Variants in PITPNM2 observed in about 807,000 individuals in gnomAD.
PITPNM2 encodes the protein membrane-associated phosphatidylinositol transfer protein 2.
Under a neutral mutation model 132.2 loss-of-function variants are expected in PITPNM2, and 35 were observed. The ratio of observed to expected loss-of-function variants is 0.26; its 90% CI spans 0.20 to 0.35. PITPNM2 has a LOEUF of 0.35. PITPNM2 is among the 10% of genes least tolerant of loss of function. The pLI is 1.00. For synonymous variants in PITPNM2, 738 were observed against 799.2 expected (o/e 0.92, Z 1.29); for missense variants, 1,332 against 1,912.0 (o/e 0.70, Z 5.66).
intron 2 of PITPNM2, among the ~76,000 whole-genome samples, chr12:123,044,266 A>G (rs1379674080): frequency 6.6e-6 from 1 of 152,182 alleles, no homozygotes; most frequent in East Asian, 1.9e-4. Context: ...CCATTTCAGC[A>G]GCAGCACCCA....
intron 2 of PITPNM2, among the ~76,000 whole-genome samples, chr12:123,094,758 CGAGG>C (rs2042363024): frequency 6.6e-6 from 1 of 152,152 alleles, no homozygotes; most frequent in African/African-American, 2.4e-5. Context: ...CAGGTGGGGC[CGAGG>C]GCAGGGAAGG....
chr12:123,134,237 G>A (rs1023429848), intron 1 of PITPNM2, among the ~76,000 whole-genome samples: 3 of 151,982 alleles, frequency 2.0e-5, no homozygotes, highest in African/African-American at 7.3e-5. Flanking sequence ...CTAATTTTTT[G>A]TATTTTTAGT....
Position 123,028,874 on chromosome 12 carries a change from C to G in PITPNM2, c.78+5639G>C, listed in dbSNP as rs180708162. 5.2e-4 allele frequency among the ~76,000 whole-genome samples: 79 copies of G among 152,226 alleles called. 1 individual carries two copies. The East Asian group carries it at 0.012, about 22-fold the overall frequency. On this transcript the variant is annotated intron_variant, in intron 3 of 25. Coordinates refer to ENST00000320201, the MANE Select transcript of PITPNM2 (RefSeq NM_020845.3). Reference sequence around the variant, plus strand: ...CCTGGAAGAGGGGCATTCACACCAGCCCTGCAGGAGGGGCAAGAGCTCTCA... The same window carrying G: ...CCTGGAAGAGGGGCATTCACACCAGGCCTGCAGGAGGGGCAAGAGCTCTCA...
intron 1 of PITPNM2, among the ~76,000 whole-genome samples, chr12:123,144,591 C>T (rs1215602751): frequency 6.6e-6 from 1 of 152,170 alleles, no homozygotes. Flanking sequence ...ACCACCAAAC[C>T]CAGCTAATTT....
intron 2 of PITPNM2, chr12:123,081,460 G>C (rs566591363): frequency 6.6e-6 from 1 of 152,292 alleles, no homozygotes; most frequent in African/African-American, 2.4e-5. Flanking sequence ...CCCCTGAGGG[G>C]AAATGCAGAG....
At chr12:123,148,090 G>A (rs1314394483) in intron 1 of PITPNM2, among the ~76,000 whole-genome samples, 3 of 152,194 alleles carry the variant, frequency 2.0e-5, no homozygotes, top group African/African-American at 7.2e-5. Flanking sequence ...GAGTAAACCA[G>A]ATGAGGATTT....
chr12:123,025,302 T>C (rs2039817475), intron 3 of PITPNM2, among the ~76,000 whole-genome samples: 1 of 152,112 alleles, frequency 6.6e-6, no homozygotes, highest in African/African-American at 2.4e-5. Flanking sequence ...TATATCTCCA[T>C]GGCCCAGAGC....
At chr12:123,020,875 A>T (rs1294032516) in intron 3 of PITPNM2, among the ~76,000 whole-genome samples, 1 of 151,624 alleles carries the variant, frequency 6.6e-6, no homozygotes, top group African/African-American at 2.4e-5. Flanking sequence ...ACAATAATAA[A>T]AAAAAATAGC....
intron 2 of PITPNM2, among the ~76,000 whole-genome samples, chr12:123,045,112 C>A (rs551488468): frequency 6.6e-6 from 1 of 152,186 alleles, no homozygotes; most frequent in African/African-American, 2.4e-5. Flanking sequence ...GACCTTCTCC[C>A]GAAATGCTCC....
intron 2 of PITPNM2, among the ~76,000 whole-genome samples, chr12:123,102,437 T>A (rs1164725264): frequency 6.6e-6 from 1 of 152,198 alleles, no homozygotes; most frequent in Non-Finnish European, 1.5e-5. Context: ...AAGTTGTCAT[T>A]CCTCAACAAT....
In PITPNM2 at chr12:123,150,234, G is replaced by T. The variant is rs2043701058; in HGVS notation, c.-200+519C>A. Among the ~76,000 whole-genome samples the T allele has an allele frequency of 6.6e-6, 1 of 151,788 alleles. No homozygotes were observed. On this transcript the variant is annotated intron_variant, in intron 1 of 25. Coordinates refer to ENST00000320201, the MANE Select transcript of PITPNM2 (RefSeq NM_020845.3). The surrounding 1 kb of genome is among the most constrained non-coding windows in gnomAD (Gnocchi z 6.0). ...AGCCGGCACCCCATTACCACACGAA[G>T]GGGGCACTGAGGATGGAGACGGGCC...
chr12:123,151,838 C>T (rs1460865745), upstream of PITPNM2, among the ~76,000 whole-genome samples: 5 of 152,216 alleles, frequency 3.3e-5, no homozygotes, highest in Non-Finnish European at 7.4e-5. Context: ...ACACCTAAAA[C>T]TTAGTGATGT....
rs952177392 is a variant in PITPNM2, at chr12:122,986,074, C to T, written c.4003G>A (p.Ala1335Thr). 3.9e-5 allele frequency: 56 copies of T among 1,432,036 alleles called. No individual in the cohort carries two copies. Among genetic ancestry groups the T allele is most frequent in the African/African-American group, 1.4e-4 (9 of 66,508 alleles). The allele number at this position is 1,432,036 out of a possible 1,614,324, so 88.7% of individuals were successfully genotyped here. Residue 1335 changes from alanine to threonine, a missense_variant, in exon 26 of 26, where the codon GCC becomes ACC. Ala to Thr is a moderately conservative substitution (Grantham distance 58). Around this residue, in one of 6 missense-constraint regions of PITPNM2, gnomAD observed 163 missense variants for 177.2 expected, o/e 0.92. Transcript: ENST00000320201. Reference protein sequence around the residue: ...MSVAAGCWGRAMTGRLEPGAA... With the variant: ...MSVAAGCWGRTMTGRLEPGAA... ...CCCGGCTCCAGGCGGCCAGTCATGGCGCGGCCCCAGCAGCCGGCCGCCACA... is the reference window on the plus strand; with the variant it reads ...CCCGGCTCCAGGCGGCCAGTCATGGTGCGGCCCCAGCAGCCGGCCGCCACA...
intron 1 of PITPNM2, among the ~76,000 whole-genome samples, chr12:123,147,975 C>T (rs146701296): frequency 2.3e-3 from 351 of 152,238 alleles, no homozygotes; most frequent in African/African-American, 7.7e-3. Context: ...TAGTTTCCTG[C>T]GGGAAGGCAA....
intron 10 of PITPNM2, among the ~76,000 whole-genome samples, chr12:122,998,714 C>G (rs1011250447): frequency 6.7e-6 from 1 of 149,722 alleles, no homozygotes; most frequent in African/African-American, 2.5e-5. Context: ...GTGGTGGGGA[C>G]AGCTGGCCCT....
At chr12:123,112,692 C>T (rs11061613) in intron 1 of PITPNM2, among the ~76,000 whole-genome samples, 3,552 of 152,118 alleles carry the variant, frequency 0.023, 52 homozygotes, top group South Asian at 0.045. Flanking sequence ...CGACTGCCAC[C>T]ACGCCTGGCT....
At chr12:123,091,950 T>C (rs1413314177) in intron 2 of PITPNM2, 1 of 152,442 alleles carries the variant, frequency 6.6e-6, no homozygotes, top group Non-Finnish European at 1.5e-5. Context: ...TGGTATGATG[T>C]GCACAGAGGC....
chr12:122,986,213 G>A lies in PITPNM2; in HGVS notation c.3864C>T (p.Arg1288=). Residue 1288 remains arginine (R), a synonymous_variant, in exon 26 of 26, where the codon CGC becomes CGT. Coordinates refer to ENST00000320201, the MANE Select transcript of PITPNM2 (RefSeq NM_020845.3). Reference sequence around the variant, plus strand: ...TGGTGCGAAGCAGGTGGTTCCGGGAGCGCAGAAAGTCGCCCTGGCCGGGCA... The same window carrying A: ...TGGTGCGAAGCAGGTGGTTCCGGGAACGCAGAAAGTCGCCCTGGCCGGGCA... ...FGLPGQGDFL[R]SRNHLLRTIS... The A allele has an allele frequency of 8.3e-6, 13 of 1,563,058 alleles. No homozygotes were observed. The highest frequency in any genetic ancestry group is 1.1e-5 in the Non-Finnish European group (13 of 1,158,788).
In PITPNM2 at chr12:122,985,274, TGAC is replaced by T. The variant is rs2037888660; in HGVS notation, c.*750_*752del. ...GCGTAGAAACGTGGGCGGGCGGCCT[TGAC>T]TGATGGCAGGGAGCGGAAGAGGCGG... On this transcript the variant is annotated 3_prime_UTR_variant, in exon 26 of 26. Transcript: ENST00000320201. The T allele has an allele frequency of 6.6e-6, 1 of 152,416 alleles. No individual in the cohort carries two copies. Among genetic ancestry groups the T allele is most frequent in the Non-Finnish European group, 1.5e-5 (1 of 68,044 alleles). The allele number at this position is 152,416 out of a possible 1,614,324, so 9.4% of individuals were successfully genotyped here.
Sources: allele counts gnomAD v4.1 joint callset (sites outside exome capture counted in the v4.1 genomes callset), GRCh38; gene constraint gnomAD v4.1.1; regional missense constraint gnomAD v4.1.1; non-coding constraint Gnocchi (gnomAD v3.1); transcripts MANE v1.5; gene names NCBI Gene and HGNC (gene_info 2026-07-23, HGNC 2026-07-21).